ADAM18: variants seen among roughly 807,000 people sequenced by gnomAD.
ADAM18 encodes disintegrin and metalloproteinase domain-containing protein 18.
Under a neutral mutation model 94.4 loss-of-function variants are expected in ADAM18, and 117 were observed. The observed-to-expected ratio is 1.24, with a 90% CI of 1.07 to 1.45. The LOEUF (loss-of-function observed/expected upper bound fraction) is 1.45, where lower values mean the gene tolerates loss of function less well. Among genes scored for constraint, ADAM18 ranks in the 40% most tolerant of loss-of-function variants. The pLI, the probability that ADAM18 is intolerant of heterozygous loss-of-function variation, is 0.00. For synonymous variants in ADAM18, 327 were observed against 291.6 expected, an observed-to-expected ratio of 1.12 and a Z score of -1.24; for missense variants, 936 against 880.0, an observed-to-expected ratio of 1.06 and a Z score of -0.81.
chr8:39,603,239 A>G (rs548243145), intron 2 of ADAM18, among the ~76,000 whole-genome samples: 4 of 152,258 alleles, frequency 2.6e-5, no homozygotes, highest in East Asian at 1.9e-4. Flanking sequence ...TGTTTTGCCA[A>G]TATCATTCTG....
intron 17 of ADAM18, among the ~76,000 whole-genome samples, chr8:39,701,237 A>G (rs1822069413): frequency 6.8e-6 from 1 of 147,640 alleles, no homozygotes; most frequent in Non-Finnish European, 1.5e-5. Flanking sequence ...AAAAATATAT[A>G]TATTTCTGAT....
chr8:39,594,026 T>C (rs754554315), intron 2 of ADAM18, among the ~76,000 whole-genome samples: 6 of 152,190 alleles, frequency 3.9e-5, no homozygotes, highest in Non-Finnish European at 7.4e-5. Context: ...ATCTACCAAG[T>C]AATTTTTTGT....
At chr8:39,659,313 G>A (rs1465524579) in intron 12 of ADAM18, among the ~76,000 whole-genome samples, 1 of 151,224 alleles carries the variant, frequency 6.6e-6, no homozygotes, top group Non-Finnish European at 1.5e-5. Flanking sequence ...AATTACCTAC[G>A]AAATCTTAAT....
chr8:39,641,286 T>G (rs139044862), intron 10 of ADAM18, among the ~76,000 whole-genome samples: 18 of 152,188 alleles, frequency 1.2e-4, no homozygotes, highest in African/African-American at 4.3e-4. Flanking sequence ...CTTGTTTTTG[T>G]TCGATCAGAC....
chr8:39,624,396 A>G (rs1563280054), intron 6 of ADAM18, among the ~76,000 whole-genome samples: 1 of 152,276 alleles, frequency 6.6e-6, no homozygotes, highest in East Asian at 1.9e-4. Flanking sequence ...AGCGTCATTC[A>G]TTGAATAGAG....
chr8:39,664,440 G>A (rs2129580116), intron 13 of ADAM18, among the ~76,000 whole-genome samples: 1 of 152,158 alleles, frequency 6.6e-6, no homozygotes, highest in Admixed American at 6.6e-5. Flanking sequence ...ATATGCCTGA[G>A]GGTTCCTGGA....
intron 18 of ADAM18, among the ~76,000 whole-genome samples, chr8:39,710,778 G>C (rs1489991024): frequency 6.6e-6 from 1 of 152,146 alleles, no homozygotes; most frequent in African/African-American, 2.4e-5. Flanking sequence ...TATCCTGCTA[G>C]GCTGATATAA....
At chr8:39,600,540 T>C (rs1818870216) in intron 2 of ADAM18, among the ~76,000 whole-genome samples, 1 of 152,232 alleles carries the variant, frequency 6.6e-6, no homozygotes, top group African/African-American at 2.4e-5. Flanking sequence ...TGTAAATTAT[T>C]TCAAGTTGAT....
At chr8:39,587,712 C>T in intron 2 of ADAM18, among the ~76,000 whole-genome samples, 1 of 152,164 alleles carries the variant, frequency 6.6e-6, no homozygotes, top group East Asian at 1.9e-4. Flanking sequence ...TCCCAAAGTG[C>T]TGGCATTACA....
chr8:39,663,013 G>A (rs1820885620), intron 12 of ADAM18, among the ~76,000 whole-genome samples: 1 of 152,006 alleles, frequency 6.6e-6, no homozygotes, highest in African/African-American at 2.4e-5. Context: ...GTAAAACATG[G>A]TACATAAATA....
Position 39,689,671 on chromosome 8 carries a change from A to G in ADAM18, c.1822-2929A>G, listed in dbSNP as rs549542257. On this transcript the variant is annotated intron_variant, in intron 16 of 19. Transcript: ENST00000265707. ...CGCTTTGCATAGGATTGCATTGGCT[A>G]TTCAGGCTCATTTTTTGTTTTATGT... Among the ~76,000 whole-genome samples, 5 of 152,290 alleles carry G rather than the reference A, an allele frequency of 3.3e-5. No homozygotes were observed. In the South Asian group the frequency reaches 1.0e-3, roughly 32 times the overall value.
chr8:39,623,205 G>C (rs1387914856), intron 6 of ADAM18, among the ~76,000 whole-genome samples: 2 of 152,048 alleles, frequency 1.3e-5, no homozygotes, highest in Non-Finnish European at 2.9e-5. Context: ...CTTTTTTATG[G>C]CTGAGTAGCA....
intron 18 of ADAM18, among the ~76,000 whole-genome samples, chr8:39,721,417 C>A (rs1822743716): frequency 6.6e-6 from 1 of 151,342 alleles, no homozygotes; most frequent in South Asian, 2.1e-4. Context: ...AATGGGGCTT[C>A]TTAATTAACC....
At chr8:39,717,814 A>G (rs1488626712) in intron 18 of ADAM18, among the ~76,000 whole-genome samples, 1 of 151,606 alleles carries the variant, frequency 6.6e-6, no homozygotes, top group African/African-American at 2.4e-5. Flanking sequence ...TGTATCTGAT[A>G]AAGAGTTAAT....
rs751452471 is a variant in ADAM18, at chr8:39,663,908, A to G, written c.1326+18A>G. 12 of 1,541,928 alleles carry G rather than the reference A, an allele frequency of 7.8e-6. No individual in the cohort carries two copies. The South Asian group carries it at 8.1e-5, about 10-fold the overall frequency. ...AGTGTGAGGTAAGTTACTAACATTC[A>G]TTAAAAGCAAATTGAACTGTGGTAA... On this transcript the variant is annotated intron_variant, in intron 13 of 19. Coordinates refer to ENST00000265707, the MANE Select transcript of ADAM18 (RefSeq NM_014237.3).
intron 17 of ADAM18, among the ~76,000 whole-genome samples, chr8:39,695,991 A>T (rs1585989694): frequency 6.6e-6 from 1 of 151,586 alleles, no homozygotes; most frequent in East Asian, 1.9e-4. Flanking sequence ...GAATCACCAT[A>T]TTATTTGCCA....
intron 14 of ADAM18, among the ~76,000 whole-genome samples, chr8:39,675,444 A>G (rs1424937487): frequency 6.6e-6 from 1 of 152,156 alleles, no homozygotes; most frequent in East Asian, 1.9e-4. Context: ...TGCCTCACGA[A>G]GTTCTCGTGC....
intron 12 of ADAM18, among the ~76,000 whole-genome samples, chr8:39,661,643 T>C (rs1820844622): frequency 6.6e-6 from 1 of 152,050 alleles, no homozygotes; most frequent in African/African-American, 2.4e-5. Flanking sequence ...GTATCAGTAC[T>C]TTATTCTTAT....
chr8:39,637,682 A>G lies in ADAM18; in HGVS notation c.806A>G (p.His269Arg), dbSNP rs962175607. The change falls in exon 9 of 20, where the codon CAT becomes CGT. Residue 269 changes from histidine (H) to arginine (R), a missense_variant. Coordinates refer to ENST00000265707, the MANE Select transcript of ADAM18 (RefSeq NM_014237.3). The stretch of plus-strand genomic sequence containing the variant: ...CGGGACTATCTCATCCTACGGCCCC[A>G]TGACATAGCATACTTACTTGTGTAA... Reference protein sequence around the residue: ...WKRDYLILRPHDIAYLLVYRK... With the variant: ...WKRDYLILRPRDIAYLLVYRK... The G allele has an allele frequency of 1.9e-6, 3 of 1,606,988 alleles. No individual in the cohort carries two copies. The highest frequency in any genetic ancestry group is 2.5e-6 in the Non-Finnish European group (3 of 1,176,830).
Sources: gnomAD v4.1 joint callset for allele counts (sites outside exome capture counted in the v4.1 genomes callset) on GRCh38, gnomAD v4.1.1 for gene constraint, MANE v1.5 for transcripts, NCBI Gene and HGNC (gene_info 2026-07-23, HGNC 2026-07-21) for gene names.